The following NECAB2 variants were observed in gnomAD, a reference collection of about 807,000 sequenced individuals.
NECAB2 encodes the protein N-terminal EF-hand calcium binding protein 2.
In NECAB2, 68 loss-of-function variants were observed where a neutral mutation model predicts 51.9. That is an observed-to-expected ratio of 1.31 (90% CI 1.08 to 1.60). The LOEUF is 1.60. NECAB2 is among the 40% of genes most tolerant of loss of function. NECAB2 has a pLI of 0.00. For missense variants in NECAB2, 854 were observed against 490.3 expected, an observed-to-expected ratio of 1.74 and a Z score of -7.00; for synonymous variants, 329 against 203.5, an observed-to-expected ratio of 1.62 and a Z score of -5.25.
intron 5 of NECAB2, 27 bp downstream of exon 5, chr16:83,981,154 G>GTTCAGGGC: frequency 1.3e-6 from 2 of 1,571,448 alleles, no homozygotes; most frequent in Non-Finnish European, 1.7e-6. Context: ...GGCCCCCGGG[G>GTTCAGGGC]TCCAGGGCTC....
chr16:83,998,965 T>C (rs1176094144), intron 10 of NECAB2, among the ~76,000 whole-genome samples: 2 of 152,100 alleles, frequency 1.3e-5, no homozygotes, highest in Non-Finnish European at 2.9e-5. Context: ...TTCTTGCTGG[T>C]AGTGGTCCCC....
intron 3 of NECAB2, among the ~76,000 whole-genome samples, chr16:83,979,846 C>A (rs536996165): frequency 3.3e-5 from 5 of 152,224 alleles, no homozygotes; most frequent in African/African-American, 9.6e-5. Flanking sequence ...AAGGTGTGAG[C>A]CACGAACATT....
intron 6 of NECAB2, among the ~76,000 whole-genome samples, chr16:83,992,377 T>TTCCCCCCCCCC (rs1555548086): frequency 7.5e-6 from 1 of 133,044 alleles, no homozygotes; most frequent in African/African-American, 3.2e-5. Flanking sequence ...CGAGCACCCG[T>TTCCCCCCCCCC]CCCCCCGCCC....
At chr16:83,974,335 A>G (rs1017480032) in intron 2 of NECAB2, among the ~76,000 whole-genome samples, 4 of 152,028 alleles carry the variant, frequency 2.6e-5, no homozygotes, top group Admixed American at 2.0e-4. Flanking sequence ...TAATTACAGC[A>G]CCCACCTCAG....
In NECAB2 at chr16:83,999,617, TTCC is replaced by T. The variant is rs562605850; in HGVS notation, c.963-1104_963-1102del. On this transcript the variant is annotated intron_variant, in intron 10 of 12. Coordinates refer to ENST00000305202, the MANE Select transcript of NECAB2 (RefSeq NM_019065.3). ...CCCCCGCTTTATGGTCACTTGGGGC[TTCC>T]TCATTGTAGTGCACTTGCAGAGAGG... Among the ~76,000 whole-genome samples the T allele has an allele frequency of 2.1e-3, 315 of 152,218 alleles. 2 individuals are homozygous for T. The highest frequency in any genetic ancestry group is 7.2e-3 in the African/African-American group (300 of 41,528).
At position 84,002,480 on chromosome 16, in the gene NECAB2, T is replaced by C; in HGVS notation, c.*134T>C. 2.4e-6 allele frequency: 3 copies of C among 1,260,696 alleles called. No individual in the cohort carries two copies. The highest frequency in any genetic ancestry group is 3.4e-6 in the Non-Finnish European group (3 of 879,518). The allele number at this position is 1,260,696 out of a possible 1,614,324, so 78.1% of individuals were successfully genotyped here. A position where few individuals can be genotyped will look rare whatever the true frequency, so the allele number is the denominator to read the frequency against. On this transcript the variant is annotated 3_prime_UTR_variant, in exon 13 of 13. Transcript: ENST00000305202. ...TCCTCCACAAGAAGGTGTTTCCCTGTTGTTAAGTGAAGGAGGCCGCCCCTG... is the reference window on the plus strand; with the variant it reads ...TCCTCCACAAGAAGGTGTTTCCCTGCTGTTAAGTGAAGGAGGCCGCCCCTG...
In NECAB2 at chr16:83,985,184, G is replaced by A. The variant is rs933398289; in HGVS notation, c.459+4057G>A. 6.0e-5 allele frequency among the ~76,000 whole-genome samples: 9 copies of A among 150,452 alleles called. No homozygotes were observed. The East Asian group carries it at 1.2e-3, about 20-fold the overall frequency. On this transcript the variant is annotated intron_variant, in intron 5 of 12. Coordinates refer to ENST00000305202, the MANE Select transcript of NECAB2 (RefSeq NM_019065.3). ...AAAAATTAGCCGAGCGTGGTGGCAG[G>A]CGCCTGTAATCCCAGCTACTTGGGA... is the stretch of plus-strand genomic sequence containing the variant.
chr16:83,973,785 A>G, intron 2 of NECAB2, among the ~76,000 whole-genome samples: 1 of 148,212 alleles, frequency 6.7e-6, no homozygotes, highest in African/African-American at 2.5e-5. Context: ...TGTTGGTGAG[A>G]GCGTGGCTGT....
chr16:83,971,545 G>A (rs2084346821), intron 1 of NECAB2: 1 of 153,050 alleles, frequency 6.5e-6, no homozygotes, highest in African/African-American at 2.4e-5. Flanking sequence ...CAGCCTTGGA[G>A]CTGCCCTCCA....
intron 2 of NECAB2, among the ~76,000 whole-genome samples, chr16:83,976,471 C>G (rs1476686940): frequency 6.6e-6 from 1 of 152,136 alleles, no homozygotes; most frequent in African/African-American, 2.4e-5. Flanking sequence ...CACTGGGATT[C>G]CTGGGTTTTA....
Position 83,990,551 on chromosome 16 carries a change from A to G in NECAB2, c.517A>G (p.Thr173Ala). The G allele has an allele frequency of 6.2e-7, 1 of 1,613,994 alleles. No homozygotes were observed. The highest frequency in any genetic ancestry group is 8.5e-7 in the Non-Finnish European group (1 of 1,180,012). The change falls in exon 6 of 13, where the codon ACG becomes GCG. Residue 173 changes from threonine to alanine, a missense_variant. Transcript: ENST00000305202. ...TGTGACCCGCTTCCTCCTGAAGGAG[A>G]CGGCCAATCAGATCCAGTCGCTGCT... ...QFVTRFLLKE[T>A]ANQIQSLLSS...
At chr16:83,971,768 C>T (rs886097646) in intron 1 of NECAB2, 5 of 335,102 alleles carry the variant, frequency 1.5e-5, no homozygotes, top group East Asian at 6.6e-5. Context: ...AAGGTTGTGG[C>T]GCTCCCTGGG....
At chr16:83,977,955 G>T (rs1290597535) in intron 2 of NECAB2, among the ~76,000 whole-genome samples, 1 of 152,182 alleles carries the variant, frequency 6.6e-6, no homozygotes, top group Non-Finnish European at 1.5e-5. Context: ...GCTGGTTTTT[G>T]GATCCACTTC....
At chr16:83,982,458 G>T (rs561674800) in intron 5 of NECAB2, among the ~76,000 whole-genome samples, 3 of 152,150 alleles carry the variant, frequency 2.0e-5, no homozygotes, top group Non-Finnish European at 4.4e-5. Flanking sequence ...AGGTAGCATG[G>T]GAAGATCCCA....
intron 2 of NECAB2, 151 bp downstream of exon 2, chr16:83,972,326 C>T (rs2084358682): frequency 1.8e-6 from 2 of 1,121,856 alleles, no homozygotes; most frequent in Non-Finnish European, 2.6e-6. Flanking sequence ...CCTGCTGCTG[C>T]TCTGTGCCTT....
chr16:83,989,124 T>G (rs950430739), intron 5 of NECAB2, among the ~76,000 whole-genome samples: 1 of 152,238 alleles, frequency 6.6e-6, no homozygotes, highest in African/African-American at 2.4e-5. Context: ...TGCTTTGTGT[T>G]TAAATATTTT....
At chr16:83,979,726 G>T (rs543024014) in intron 3 of NECAB2, among the ~76,000 whole-genome samples, 1 of 150,628 alleles carries the variant, frequency 6.6e-6, no homozygotes, top group Non-Finnish European at 1.5e-5. Context: ...TGGTTTGAGA[G>T]TCGAACTGTG....
intron 5 of NECAB2, among the ~76,000 whole-genome samples, chr16:83,982,136 G>A (rs571285386): frequency 6.6e-6 from 1 of 152,176 alleles, no homozygotes; most frequent in Admixed American, 6.5e-5. Context: ...CTGCTGGTTT[G>A]TATCAATACG....
At position 83,970,635 on chromosome 16, in the gene NECAB2, C is replaced by A. The variant is rs551297327; in HGVS notation, c.202-1516C>A. ...GTGGAAGGGTCAGAGTGAGTATTAC[C>A]TCCTCCTCCTCCATGGCTGACCTGG... is the stretch of plus-strand genomic sequence containing the variant. On this transcript the variant is annotated intron_variant, in intron 1 of 12. Coordinates refer to ENST00000305202, the MANE Select transcript of NECAB2 (RefSeq NM_019065.3). Among the ~76,000 whole-genome samples the A allele has an allele frequency of 1.7e-4, 26 of 152,244 alleles. No individual in the cohort carries two copies. The East Asian group carries it at 4.4e-3, about 26-fold the overall frequency.
Sources: gnomAD v4.1 joint callset for allele counts (sites outside exome capture counted in the v4.1 genomes callset) on GRCh38, gnomAD v4.1.1 for gene constraint, MANE v1.5 for transcripts, NCBI Gene and HGNC (gene_info 2026-07-23, HGNC 2026-07-21) for gene names.